Variants in TAFA1 observed in about 807,000 individuals in gnomAD.
The protein encoded by TAFA1 is TAFA chemokine like family member 1.
TAFA1 carries 4 observed loss-of-function variants against 18.5 expected under a neutral mutation model. The observed-to-expected ratio is 0.22, with a 90% confidence interval of 0.11 to 0.49. The LOEUF is 0.49. TAFA1 is among the 20% of genes least tolerant of loss of function. The probability of loss-of-function intolerance (pLI) is 0.98; values close to 1 mark genes in which losing one functional copy is unlikely to be tolerated. For missense variants in TAFA1, 147 were observed against 169.0 expected (o/e 0.87, Z 0.72); for synonymous variants, 56 against 55.2 (o/e 1.01, Z -0.06).
At chr3:67,994,910 T>G in the TAFA1 span, among the ~76,000 whole-genome samples, 1,536 of 151,874 alleles carry the variant, frequency 0.01, 24 homozygotes, top group African/African-American at 0.035. Context: ...AACCAGCGGT[T>G]AGCTTGGCAG....
intron 2 of TAFA1, among the ~76,000 whole-genome samples, chr3:68,390,341 G>C (rs569299219): frequency 6.6e-6 from 1 of 152,292 alleles, no homozygotes; most frequent in African/African-American, 2.4e-5. Context: ...CTGAAAGAAA[G>C]GGAGAAACCC....
chr3:68,531,783 A>C (rs893058496), intron 3 of TAFA1, among the ~76,000 whole-genome samples: 2 of 152,042 alleles, frequency 1.3e-5, no homozygotes, highest in African/African-American at 4.8e-5. Context: ...TTTAACAAGC[A>C]CCTGACCATC....
chr3:68,440,275 T>G (rs183851742), intron 3 of TAFA1, among the ~76,000 whole-genome samples: 39 of 152,320 alleles, frequency 2.6e-4, no homozygotes, highest in Admixed American at 2.0e-3. Flanking sequence ...ACCATGATTG[T>G]GAGGCCTCCC....
At chr3:68,318,632 G>A (rs982499623) in intron 2 of TAFA1, among the ~76,000 whole-genome samples, 5 of 152,132 alleles carry the variant, frequency 3.3e-5, no homozygotes, top group Admixed American at 1.3e-4. Context: ...TCTTCTTTGA[G>A]TGTTTAAATT....
intron 2 of TAFA1, among the ~76,000 whole-genome samples, chr3:68,311,396 A>G (rs1467028834): frequency 1.3e-5 from 2 of 152,238 alleles, no homozygotes; most frequent in African/African-American, 2.4e-5. Context: ...CCAAAGTCTT[A>G]TCTGAGACAA....
chr3:68,302,904 C>T (rs1332259002), intron 2 of TAFA1, among the ~76,000 whole-genome samples: 1 of 152,178 alleles, frequency 6.6e-6, no homozygotes, highest in Non-Finnish European at 1.5e-5. Context: ...AAGTTCTATC[C>T]AAGTTCTACT....
chr3:68,018,061 C>A (rs968393430), intron 2 of TAFA1, among the ~76,000 whole-genome samples: 1 of 152,164 alleles, frequency 6.6e-6, no homozygotes, highest in Non-Finnish European at 1.5e-5. Context: ...GGGTAGCAGA[C>A]CTTGATGGCT....
At chr3:68,291,359 A>G (rs9859149) in intron 2 of TAFA1, among the ~76,000 whole-genome samples, 9,908 of 152,222 alleles carry the variant, frequency 0.065, 511 homozygotes, top group African/African-American at 0.14. Context: ...TAGTATTTAC[A>G]TATTTTTTTT....
chr3:68,168,387 G>C (rs188587588), intron 2 of TAFA1, among the ~76,000 whole-genome samples: 247 of 152,294 alleles, frequency 1.6e-3, no homozygotes, highest in African/African-American at 5.6e-3. Context: ...TGTGTATTTA[G>C]TAACCACACG....
chr3:68,509,437 C>A (rs2072813587), intron 3 of TAFA1, among the ~76,000 whole-genome samples: 1 of 152,038 alleles, frequency 6.6e-6, no homozygotes, highest in Non-Finnish European at 1.5e-5. Context: ...ATGCAAAATT[C>A]CACTCTTCCA....
intron 2 of TAFA1, among the ~76,000 whole-genome samples, chr3:68,285,324 A>C (rs971988124): frequency 2.0e-5 from 3 of 152,152 alleles, no homozygotes; most frequent in Non-Finnish European, 4.4e-5. Context: ...AAAGTGTTGT[A>C]AGTGTTGTAA....
At chr3:67,996,028 A>G in the TAFA1 span, among the ~76,000 whole-genome samples, 2 of 152,228 alleles carry the variant, frequency 1.3e-5, no homozygotes, top group Non-Finnish European at 2.9e-5. Flanking sequence ...ATGGTGAGTG[A>G]ATAGTGATAA....
intron 2 of TAFA1, among the ~76,000 whole-genome samples, chr3:68,217,825 A>C (rs1023963234): frequency 2.6e-5 from 4 of 152,262 alleles, no homozygotes; most frequent in Middle Eastern, 3.4e-3. Flanking sequence ...AATCTGAGAT[A>C]GCACACTTAC....
chr3:68,079,899 T>C (rs1390822827), intron 2 of TAFA1, among the ~76,000 whole-genome samples: 3 of 152,092 alleles, frequency 2.0e-5, no homozygotes, highest in Admixed American at 1.3e-4. Flanking sequence ...ATCTGTCTAA[T>C]GTTGACAGTG....
chr3:68,522,211 G>A (rs1022025171), intron 3 of TAFA1, among the ~76,000 whole-genome samples: 1 of 152,094 alleles, frequency 6.6e-6, no homozygotes, highest in African/African-American at 2.4e-5. Context: ...GATTGAATAT[G>A]ATAGGCTGAT....
intron 2 of TAFA1, among the ~76,000 whole-genome samples, chr3:68,108,797 T>C (rs1164714241): frequency 6.6e-6 from 1 of 152,066 alleles, no homozygotes; most frequent in African/African-American, 2.4e-5. Context: ...TTTATTATTA[T>C]AAAAACATAA....
intron 2 of TAFA1, among the ~76,000 whole-genome samples, chr3:68,069,582 C>A (rs1270166797): frequency 6.6e-6 from 1 of 152,166 alleles, no homozygotes; most frequent in African/African-American, 2.4e-5. Flanking sequence ...ACCAGCCATG[C>A]CTTCCCTCAC....
chr3:68,059,210 G>T (rs536036098), intron 2 of TAFA1, among the ~76,000 whole-genome samples: 24 of 151,996 alleles, frequency 1.6e-4, no homozygotes, highest in Admixed American at 6.6e-4. Flanking sequence ...GCAAATGCTC[G>T]TTGGGTGCAT....
intron 1 of TAFA1, 145 bp downstream of exon 1, chr3:68,004,847 CAGTGAG>C (rs1229100926): frequency 6.6e-6 from 1 of 151,938 alleles, no homozygotes; most frequent in Non-Finnish European, 1.5e-5. Context: ...AAGGAGCAAG[CAGTGAG>C]AGTGACATGC....
Sources: gnomAD v4.1 joint callset for allele counts (sites outside exome capture counted in the v4.1 genomes callset) on GRCh38, gnomAD v4.1.1 for gene constraint, MANE v1.5 for transcripts, NCBI Gene and HGNC (gene_info 2026-07-23, HGNC 2026-07-21) for gene names.